The following ELAPOR2 variants were observed in gnomAD, a reference collection of about 807,000 sequenced individuals.
The protein encoded by ELAPOR2 is endosome-lysosome associated apoptosis and autophagy regulator family member 2, also known as endosome/lysosome-associated apoptosis and autophagy regulator family member 2.
Under a neutral mutation model 120.7 loss-of-function variants are expected in ELAPOR2, and 89 were observed. The ratio of observed to expected loss-of-function variants is 0.74; its 90% CI spans 0.62 to 0.88. ELAPOR2 has a LOEUF of 0.88. Ranked by LOEUF, ELAPOR2 falls within the 40% of genes least tolerant of loss-of-function variation. ELAPOR2 has a pLI of 0.00. For missense variants in ELAPOR2, 1,134 were observed against 1,251.6 expected, an observed-to-expected ratio of 0.91 and a Z score of 1.42; for synonymous variants, 444 against 444.9, an observed-to-expected ratio of 1.00 and a Z score of 0.03.
intron 1 of ELAPOR2, among the ~76,000 whole-genome samples, chr7:87,012,140 G>A (rs553769030): frequency 2.0e-5 from 3 of 152,124 alleles, no homozygotes; most frequent in Non-Finnish European, 2.9e-5. Flanking sequence ...GGCCGGGCGT[G>A]GTGGCTCACA....
intron 2 of ELAPOR2, among the ~76,000 whole-genome samples, chr7:86,948,946 A>C (rs1584385321): frequency 6.6e-6 from 1 of 152,330 alleles, no homozygotes. Flanking sequence ...AAAGCAGCAA[A>C]GTCTCACATT....
intron 18 of ELAPOR2, among the ~76,000 whole-genome samples, chr7:86,905,320 C>A (rs1788960090): frequency 6.8e-6 from 1 of 147,186 alleles, no homozygotes; most frequent in Admixed American, 6.8e-5. Context: ...AACCTCACTG[C>A]TAAAAAAAAA....
intron 18 of ELAPOR2, among the ~76,000 whole-genome samples, chr7:86,904,400 T>C (rs1275177848): frequency 6.6e-6 from 1 of 152,188 alleles, no homozygotes; most frequent in Non-Finnish European, 1.5e-5. Context: ...GGGCCATCTA[T>C]TTAGGGGCAT....
chr7:87,011,182 C>T (rs771576834), intron 1 of ELAPOR2, among the ~76,000 whole-genome samples: 12 of 142,288 alleles, frequency 8.4e-5, no homozygotes, highest in African/African-American at 1.9e-4. Context: ...GCAGGAGAAT[C>T]GCTTGAACAC....
intron 15 of ELAPOR2, among the ~76,000 whole-genome samples, chr7:86,910,328 T>C (rs1789241201): frequency 6.6e-6 from 1 of 152,152 alleles, no homozygotes; most frequent in Non-Finnish European, 1.5e-5. Context: ...AAATGTTCAA[T>C]TCATAGAGTA....
chr7:87,059,189 G>GAAGCAAACGAAAGCCCCTGTTCTCC, intron 1 of ELAPOR2, 136 bp downstream of exon 1: 1 of 1,198,436 alleles, frequency 8.3e-7, no homozygotes, highest in Non-Finnish European at 1.0e-6. Context: ...TTCACCCCTC[G>GAAGCAAACGAAAGCCCCTGTTCTCC]AAGCAAACGA....
At chr7:86,966,968 C>G (rs1791930119) in intron 1 of ELAPOR2, among the ~76,000 whole-genome samples, 2 of 152,130 alleles carry the variant, frequency 1.3e-5, no homozygotes, top group Admixed American at 1.3e-4. Context: ...CACTTTAAAT[C>G]TTCAAAGTCC....
At chr7:87,025,039 T>G (rs9886155) in intron 1 of ELAPOR2, among the ~76,000 whole-genome samples, 32,348 of 151,354 alleles carry the variant, frequency 0.21, 3,680 homozygotes, top group African/African-American at 0.27. Context: ...AAGATTATGA[T>G]TCCTCCATAC....
chr7:87,006,640 G>A (rs1793489163), intron 1 of ELAPOR2, among the ~76,000 whole-genome samples: 1 of 152,132 alleles, frequency 6.6e-6, no homozygotes, highest in Admixed American at 6.6e-5. Context: ...ACAAGTGTTT[G>A]GTAGTTTCCT....
intron 2 of ELAPOR2, among the ~76,000 whole-genome samples, chr7:86,958,146 T>C (rs905625839): frequency 2.0e-5 from 3 of 152,160 alleles, no homozygotes; most frequent in Admixed American, 6.5e-5. Context: ...ATTAAGAACA[T>C]AGACCCAAAT....
chr7:86,999,850 T>C (rs1635005), intron 1 of ELAPOR2, among the ~76,000 whole-genome samples: 57,473 of 151,980 alleles, frequency 0.38, 11,710 homozygotes, highest in African/African-American at 0.53. Context: ...TTGCATTTCA[T>C]AACAAAGACC....
In ELAPOR2 at chr7:87,059,489, C is replaced by G. The variant is rs943874066; in HGVS notation, c.25G>C (p.Val9Leu). 4 of 1,207,674 alleles carry G rather than the reference C, an allele frequency of 3.3e-6. No individual in the cohort carries two copies. Among genetic ancestry groups the G allele is most frequent in the African/African-American group, 3.2e-5 (2 of 63,290 alleles). The allele number at this position is 1,207,674 out of a possible 1,614,324, so 74.8% of individuals were successfully genotyped here. Residue 9 changes from valine to leucine, a missense_variant, in exon 1 of 22, where the codon GTA becomes CTA. Physicochemically the swap from Val to Leu is conservative, Grantham distance 32. Coordinates refer to ENST00000450689, the MANE Select transcript of ELAPOR2 (RefSeq NM_001142749.3). ...GGCCGCCCCCAGCCCCTGCCCCGTA[C>G]CGGCCCCCGGGCGCGGAACAGCATC... MLFRARGP[V>L]RGRGWGRPAE...
In ELAPOR2 at chr7:87,051,336, G is replaced by A. The variant is rs1044987770; in HGVS notation, c.189+7989C>T. 1.2e-4 allele frequency among the ~76,000 whole-genome samples: 18 copies of A among 152,240 alleles called. 1 individual carries two copies. Among genetic ancestry groups the A allele is most frequent in the African/African-American group, 4.3e-4 (18 of 41,546 alleles). Reference sequence around the variant, plus strand: ...GACAGAACAATCAACTGGGTACAATGTTTCACAACGTATAACTTTTATAGT... The same window carrying A: ...GACAGAACAATCAACTGGGTACAATATTTCACAACGTATAACTTTTATAGT... On this transcript the variant is annotated intron_variant, in intron 1 of 21. Coordinates refer to ENST00000450689, the MANE Select transcript of ELAPOR2 (RefSeq NM_001142749.3).
At chr7:87,003,930 A>G (rs773374608) in intron 1 of ELAPOR2, among the ~76,000 whole-genome samples, 1 of 152,158 alleles carries the variant, frequency 6.6e-6, no homozygotes, top group Non-Finnish European at 1.5e-5. Flanking sequence ...TGAGAAAATA[A>G]GCACTTCGCT....
rs953905530 is a variant in ELAPOR2 at position 86,966,006 on chromosome 7, A to T, written c.190-982T>A. The T allele has an allele frequency of 1.0e-5, 10 of 978,236 alleles. 1 individual carries two copies. Among genetic ancestry groups the T allele is most frequent in the Non-Finnish European group, 1.2e-5 (10 of 823,526 alleles). The allele number at this position is 978,236 out of a possible 1,614,324, so 60.6% of individuals were successfully genotyped here. ...GCTAACAATGACTGTCCTAATTTTA[A>T]CATTTTTTGCAATCTAGATAAGCTG... is the stretch of plus-strand genomic sequence containing the variant. On this transcript the variant is annotated intron_variant, in intron 1 of 21. Coordinates refer to ENST00000450689, the MANE Select transcript of ELAPOR2 (RefSeq NM_001142749.3).
chr7:86,968,073 G>A lies in ELAPOR2; in HGVS notation c.190-3049C>T, dbSNP rs185777764. The stretch of plus-strand genomic sequence containing the variant: ...TCTAAAGTCAATCCTTAAATCCATA[G>A]AAAGATCTAAGAAACAGTGTGGTAC... On this transcript the variant is annotated intron_variant, in intron 1 of 21. Coordinates refer to ENST00000450689, the MANE Select transcript of ELAPOR2 (RefSeq NM_001142749.3). Among the ~76,000 whole-genome samples the A allele has an allele frequency of 2.6e-5, 4 of 152,170 alleles. No homozygotes were observed. In the East Asian group the frequency reaches 7.7e-4, roughly 29 times the overall value.
At chr7:87,040,106 G>T (rs1335722197) in intron 1 of ELAPOR2, among the ~76,000 whole-genome samples, 1 of 152,272 alleles carries the variant, frequency 6.6e-6, no homozygotes, top group Admixed American at 6.5e-5. Flanking sequence ...CCCGCACCTG[G>T]CTCGGAGGGT....
At chr7:86,949,176 T>TA (rs2116394462) in intron 2 of ELAPOR2, among the ~76,000 whole-genome samples, 1 of 151,748 alleles carries the variant, frequency 6.6e-6, no homozygotes, top group Non-Finnish European at 1.5e-5. Flanking sequence ...CATGAGAAAA[T>TA]AAAAAAAGAT....
intron 1 of ELAPOR2, among the ~76,000 whole-genome samples, chr7:87,008,089 T>A (rs2116653910): frequency 6.6e-6 from 1 of 152,288 alleles, no homozygotes; most frequent in East Asian, 1.9e-4. Context: ...GAAAGTCCTG[T>A]CATACTCAAC....
Sources: gnomAD v4.1 joint callset for allele counts (sites outside exome capture counted in the v4.1 genomes callset) on GRCh38, gnomAD v4.1.1 for gene constraint, MANE v1.5 for transcripts, NCBI Gene and HGNC (gene_info 2026-07-23, HGNC 2026-07-21) for gene names.